The following SLC25A42 variants were observed in gnomAD, a reference collection of about 807,000 sequenced individuals.
SLC25A42 encodes the protein solute carrier family 25 member 42, also known as mitochondrial coenzyme A transporter SLC25A42.
Under a neutral mutation model 34.7 loss-of-function variants are expected in SLC25A42, and 19 were observed. That is an observed-to-expected ratio of 0.55 (90% CI 0.38 to 0.80). SLC25A42 has a LOEUF of 0.80. SLC25A42 is among the 30% of genes least tolerant of loss of function. The pLI, the probability that SLC25A42 is intolerant of heterozygous loss-of-function variation, is 0.00. For synonymous variants in SLC25A42, 205 were observed against 191.2 expected (o/e 1.07, Z -0.59); for missense variants, 364 against 441.3 (o/e 0.82, Z 1.57).
chr19:19,105,782 CTCTT>C lies in SLC25A42; in HGVS notation c.380+60_380+63del, dbSNP rs890457542. ...TCGCCCCGCCCACGCCCGCCCCTCT[CTCTT>C]TCTTCTGCACGCCCCGCTCCCTCCT... On this transcript the variant is annotated intron_variant, in intron 5 of 7. Coordinates refer to ENST00000318596, the MANE Select transcript of SLC25A42 (RefSeq NM_178526.5). The C allele has an allele frequency of 3.3e-4, 475 of 1,423,604 alleles. 5 individuals are homozygous for C. The East Asian group carries it at 0.012, about 36-fold the overall frequency. The allele number at this position is 1,423,604 out of a possible 1,614,324, so 88.2% of individuals were successfully genotyped here.
intron 1 of SLC25A42, among the ~76,000 whole-genome samples, chr19:19,085,696 G>T (rs2059704648): frequency 6.6e-6 from 1 of 152,210 alleles, no homozygotes; most frequent in African/African-American, 2.4e-5. Flanking sequence ...TGTTGTATGG[G>T]TGCCTGTGTC....
rs1367900048 is a variant in SLC25A42, at chr19:19,064,004, C to T, written c.-146C>T. 1 of 152,700 alleles carries T rather than the reference C, an allele frequency of 6.5e-6. No homozygotes were observed. The highest frequency in any genetic ancestry group is 1.9e-4 in the East Asian group (1 of 5,198). The allele number at this position is 152,700 out of a possible 1,614,324, so 9.5% of individuals were successfully genotyped here. On this transcript the variant is annotated 5_prime_UTR_variant, in exon 1 of 8. Transcript: ENST00000318596. Reference sequence around the variant, plus strand: ...GCTCTGGGGGTGCGCGAGGCGGGGCCGTGGCGGCTGGAGGTAGCGGCGGCG... The same window carrying T: ...GCTCTGGGGGTGCGCGAGGCGGGGCTGTGGCGGCTGGAGGTAGCGGCGGCG...
chr19:19,077,923 C>T (rs1325332039), intron 1 of SLC25A42, among the ~76,000 whole-genome samples: 1 of 152,128 alleles, frequency 6.6e-6, no homozygotes, highest in Non-Finnish European at 1.5e-5. Flanking sequence ...ACCTTTTGTG[C>T]CTGGCTTCTG....
rs568414664 is a variant in SLC25A42, at chr19:19,107,930, G to A, written c.534G>A (p.Ser178=). 4.7e-5 allele frequency: 76 copies of A among 1,614,096 alleles called. No homozygotes were observed. The East Asian group carries it at 1.4e-3, about 30-fold the overall frequency. ...TCTTTCATGTCTTCATCCGCATCTC[G>A]AGAGAAGAGGGGCTGAAGACTCTCT... ...SNIFHVFIRI[S]REEGLKTLYH... Residue 178 remains serine, a synonymous_variant, in exon 7 of 8, where the codon TCG becomes TCA. Coordinates refer to ENST00000318596, the MANE Select transcript of SLC25A42 (RefSeq NM_178526.5).
At chr19:19,065,873 T>C (rs1261786746) in intron 1 of SLC25A42, among the ~76,000 whole-genome samples, 3 of 152,200 alleles carry the variant, frequency 2.0e-5, no homozygotes, top group South Asian at 2.1e-4. Flanking sequence ...TGGGTTTTTT[T>C]TGAGACGGAG....
intron 1 of SLC25A42, among the ~76,000 whole-genome samples, chr19:19,069,254 C>T (rs556025990): frequency 4.6e-5 from 7 of 152,312 alleles, no homozygotes; most frequent in Admixed American, 3.3e-4. Context: ...CAACAAAGTT[C>T]TCTGCTGGCC....
At chr19:19,101,200 C>T (rs1007841575) in intron 2 of SLC25A42, among the ~76,000 whole-genome samples, 1 of 152,154 alleles carries the variant, frequency 6.6e-6, no homozygotes, top group African/African-American at 2.4e-5. Flanking sequence ...AAAGCGATGG[C>T]TCTCAGGCTG....
intron 1 of SLC25A42, among the ~76,000 whole-genome samples, chr19:19,079,776 T>C (rs1173828844): frequency 6.6e-6 from 1 of 152,168 alleles, no homozygotes; most frequent in Non-Finnish European, 1.5e-5. Context: ...CTCACTATGT[T>C]GCCCAGGCTG....
rs1173741072 is a variant in SLC25A42, at chr19:19,106,357, G to T, written c.469G>T (p.Ala157Ser). The T allele has an allele frequency of 1.2e-6, 2 of 1,613,234 alleles. No homozygotes were observed. The highest frequency in any genetic ancestry group is 1.7e-6 in the Non-Finnish European group (2 of 1,179,684). ...GACCTACCCCCTGGACCTGGTCAGA[G>T]CGCGGATGGCCGTAACCCCGAAGGA... ...SLTYPLDLVRARMAVTPKEMY... is the reference protein window; with the variant it reads ...SLTYPLDLVRSRMAVTPKEMY... The change falls in exon 6 of 8, where the codon GCG becomes TCG. Residue 157 changes from alanine (A) to serine (S), a missense_variant. Coordinates refer to ENST00000318596, the MANE Select transcript of SLC25A42 (RefSeq NM_178526.5).
In SLC25A42 at chr19:19,110,917, C is replaced by T. The variant is rs759469967; in HGVS notation, c.*41C>T. On this transcript the variant is annotated 3_prime_UTR_variant, in exon 8 of 8. Transcript: ENST00000318596. ...TCTCAGGACGGTGGACCGGTGACCC[C>T]TTTGTATTCTGGGCCCATGGAACGG... 6 of 1,605,944 alleles carry T rather than the reference C, an allele frequency of 3.7e-6. No individual in the cohort carries two copies. In the South Asian group the frequency reaches 4.4e-5, roughly 12 times the overall value.
chr19:19,088,267 G>A (rs533058670), intron 1 of SLC25A42, among the ~76,000 whole-genome samples: 1 of 146,530 alleles, frequency 6.8e-6, no homozygotes, highest in Admixed American at 6.9e-5. Flanking sequence ...GCGTAGTGGT[G>A]TGATCACGGC....
In SLC25A42 at chr19:19,112,645, G is replaced by GT. The variant is rs1175570623; in HGVS notation, c.*1770dup. Reference sequence around the variant, plus strand: ...GGTCCCCCAGTCCCTGCTGACCCCAGTGTGTCTCCCCGGAGATGGCTCCTA... The same window carrying GT: ...GGTCCCCCAGTCCCTGCTGACCCCAGTTGTGTCTCCCCGGAGATGGCTCCTA... On this transcript the variant is annotated 3_prime_UTR_variant, in exon 8 of 8. Coordinates refer to ENST00000318596, the MANE Select transcript of SLC25A42 (RefSeq NM_178526.5). The surrounding 1 kb of genome is among the most constrained non-coding windows in gnomAD (Gnocchi z 4.3). 9.8e-5 allele frequency: 15 copies of GT among 152,904 alleles called. No individual in the cohort carries two copies. Among genetic ancestry groups the GT allele is most frequent in the African/African-American group, 3.6e-4 (15 of 41,574 alleles). 9.5% of individuals were successfully genotyped at this position (152,904 alleles called of 1,614,324 possible). A position where few individuals can be genotyped will look rare whatever the true frequency, so the allele number is the denominator to read the frequency against.
Position 19,101,790 on chromosome 19 carries a change from A to G in SLC25A42, c.91A>G (p.Arg31Gly). Reference protein sequence around the residue: ...SSSVSSKRDHRQVLSSLLSGA... With the variant: ...SSSVSSKRDHGQVLSSLLSGA... The stretch of plus-strand genomic sequence containing the variant: ...ACATGTTCTGTTGCAGCGTGACCAC[A>G]GGCAAGTGCTCAGCTCCCTGCTGTC... Residue 31 changes from arginine (R) to glycine (G), a missense_variant, in exon 3 of 8, where the codon AGG becomes GGG. Transcript: ENST00000318596. The G allele has an allele frequency of 6.2e-7, 1 of 1,612,642 alleles. No individual in the cohort carries two copies. Among genetic ancestry groups the G allele is most frequent in the South Asian group, 1.1e-5 (1 of 90,912 alleles).
In SLC25A42 at chr19:19,109,320, C is replaced by T. The variant is rs536194215; in HGVS notation, c.650-1249C>T. On this transcript the variant is annotated intron_variant, in intron 7 of 7. Coordinates refer to ENST00000318596, the MANE Select transcript of SLC25A42 (RefSeq NM_178526.5). The surrounding 1 kb of genome is among the most constrained non-coding windows in gnomAD (Gnocchi z 4.1). The stretch of plus-strand genomic sequence containing the variant: ...TTGTGTGACTGTAAAACCCCATTTT[C>T]GGTGTTTCTCTCTGGAGTGCTTTCC... 3.3e-5 allele frequency among the ~76,000 whole-genome samples: 5 copies of T among 152,326 alleles called. No homozygotes were observed. The highest frequency in any genetic ancestry group is 4.8e-5 in the African/African-American group (2 of 41,566).
intron 1 of SLC25A42, among the ~76,000 whole-genome samples, chr19:19,086,028 C>G (rs1033900547): frequency 6.6e-6 from 1 of 152,200 alleles, no homozygotes; most frequent in Admixed American, 6.5e-5. Flanking sequence ...CGTGGAGGAC[C>G]TGGACCAAGA....
chr19:19,077,351 A>G (rs2059660407), intron 1 of SLC25A42, among the ~76,000 whole-genome samples: 1 of 152,138 alleles, frequency 6.6e-6, no homozygotes, highest in Non-Finnish European at 1.5e-5. Context: ...TTCCCACTAA[A>G]CAGTAATTCT....
Position 19,069,594 on chromosome 19 carries a change from C to T in SLC25A42, c.-35+5479C>T, listed in dbSNP as rs2059619022. Among the ~76,000 whole-genome samples, 4 of 152,308 alleles carry T rather than the reference C, an allele frequency of 2.6e-5. No homozygotes were observed. In the South Asian group the frequency reaches 8.3e-4, roughly 32 times the overall value. ...GTTCTTGGCTCGTGGCTACATCACT[C>T]CAGTCTCTGCCTTTGTATTAATGTG... is the stretch of plus-strand genomic sequence containing the variant. On this transcript the variant is annotated intron_variant, in intron 1 of 7. Coordinates refer to ENST00000318596, the MANE Select transcript of SLC25A42 (RefSeq NM_178526.5).
intron 1 of SLC25A42, among the ~76,000 whole-genome samples, chr19:19,070,378 A>G (rs974579318): frequency 7.2e-6 from 1 of 139,206 alleles, no homozygotes; most frequent in African/African-American, 2.7e-5. Flanking sequence ...GCTCACCGCA[A>G]CCTCCACCTC....
chr19:19,106,120 T>C, intron 5 of SLC25A42, 149 bp from the exon 6 acceptor site: 1 of 655,976 alleles, frequency 1.5e-6, no homozygotes, highest in Non-Finnish European at 2.7e-6. Flanking sequence ...CCCATCAGCT[T>C]GGCCAGGAGG....
Sources: allele counts gnomAD v4.1 joint callset (sites outside exome capture counted in the v4.1 genomes callset), GRCh38; gene constraint gnomAD v4.1.1; non-coding constraint Gnocchi (gnomAD v3.1); transcripts MANE v1.5; gene names NCBI Gene and HGNC (gene_info 2026-07-23, HGNC 2026-07-21).